Variants in DLGAP2 observed in about 807,000 individuals in gnomAD.
The protein encoded by DLGAP2 is DLG associated protein 2, also known as disks large-associated protein 2.
Under a neutral mutation model 100.3 loss-of-function variants are expected in DLGAP2, and 26 were observed. The ratio of observed to expected loss-of-function variants is 0.26; its 90% CI spans 0.19 to 0.36. The LOEUF is 0.36. Among genes scored for constraint, DLGAP2 ranks in the 10% least tolerant of loss-of-function variants. The pLI is 1.00. For synonymous variants in DLGAP2, 886 were observed against 630.1 expected (o/e 1.41, Z -6.08); for missense variants, 1,858 against 1,453.2 (o/e 1.28, Z -4.53).
intron 3 of DLGAP2, among the ~76,000 whole-genome samples, chr8:1,282,563 A>G (rs1368985402): frequency 6.7e-5 from 7 of 104,302 alleles, no homozygotes; most frequent in South Asian, 6.9e-4. Context: ...TGTGACCTGA[A>G]CCCAGCACAT....
At chr8:1,689,569 C>T (rs1351327936) in intron 12 of DLGAP2, among the ~76,000 whole-genome samples, 1 of 152,224 alleles carries the variant, frequency 6.6e-6, no homozygotes, top group Non-Finnish European at 1.5e-5. Context: ...CTAGTTAAAC[C>T]GCAGCACTTT....
At chr8:1,477,687 T>C (rs1019412257) in intron 3 of DLGAP2, among the ~76,000 whole-genome samples, 1 of 152,170 alleles carries the variant, frequency 6.6e-6, no homozygotes, top group African/African-American at 2.4e-5. Context: ...GCTTATTTAC[T>C]TCCCTGACAT....
chr8:1,120,459 A>G (rs189551014), intron 2 of DLGAP2, among the ~76,000 whole-genome samples: 8 of 152,294 alleles, frequency 5.3e-5, no homozygotes, highest in Admixed American at 3.3e-4. Flanking sequence ...ACCCTTCAGA[A>G]ACCATAACCA....
At chr8:1,444,085 CCTCT>C (rs1484473126) in intron 3 of DLGAP2, among the ~76,000 whole-genome samples, 1 of 152,096 alleles carries the variant, frequency 6.6e-6, no homozygotes, top group Non-Finnish European at 1.5e-5. Context: ...CCTACACCTC[CCTCT>C]ACCTTAAGCT....
chr8:1,106,532 A>G (rs1804776879), intron 2 of DLGAP2, among the ~76,000 whole-genome samples: 3 of 149,520 alleles, frequency 2.0e-5, no homozygotes, highest in African/African-American at 7.4e-5. Context: ...AGGGTTTTCT[A>G]TTGAAGGGAG....
rs551438951 is a variant in DLGAP2 at position 1,653,159 on chromosome 8, T to C, written c.1811-15170T>C. ...AGATACTGTGGCATCGCGTTGGTTCTTAGTGCTGGCCCTGTGGGTGGGGTA... is the reference window on the plus strand; with the variant it reads ...AGATACTGTGGCATCGCGTTGGTTCCTAGTGCTGGCCCTGTGGGTGGGGTA... On this transcript the variant is annotated intron_variant, in intron 8 of 14. Transcript: ENST00000637795. Among the ~76,000 whole-genome samples the C allele has an allele frequency of 2.6e-5, 4 of 152,120 alleles. No individual in the cohort carries two copies. The South Asian group carries it at 8.3e-4, about 32-fold the overall frequency.
intron 6 of DLGAP2, among the ~76,000 whole-genome samples, chr8:1,619,024 A>T (rs1797246109): frequency 6.6e-6 from 1 of 152,216 alleles, no homozygotes. Flanking sequence ...CAGCCGTCAA[A>T]ATCTTTAAAT....
At chr8:994,275 A>T (rs772303258) in intron 2 of DLGAP2, among the ~76,000 whole-genome samples, 2 of 152,138 alleles carry the variant, frequency 1.3e-5, no homozygotes, top group African/African-American at 4.8e-5. Context: ...ATCTCGGCTC[A>T]CTGCAACCTC....
intron 1 of DLGAP2, among the ~76,000 whole-genome samples, chr8:796,267 T>C (rs1218338780): frequency 6.6e-6 from 1 of 152,208 alleles, no homozygotes; most frequent in Non-Finnish European, 1.5e-5. Context: ...GAGCTGACTC[T>C]GGTCCCGGGA....
intron 3 of DLGAP2, among the ~76,000 whole-genome samples, chr8:1,370,191 C>T (rs530283027): frequency 1.3e-4 from 20 of 152,284 alleles, no homozygotes; most frequent in African/African-American, 3.6e-4. Context: ...TCAGTGTCCT[C>T]AGCACTGCCC....
At chr8:925,288 TATA>T (rs1185046435) in intron 2 of DLGAP2, among the ~76,000 whole-genome samples, 1 of 152,136 alleles carries the variant, frequency 6.6e-6, no homozygotes, top group Non-Finnish European at 1.5e-5. Flanking sequence ...ATTTTTTAAT[TATA>T]ATGTTTTTTT....
intron 1 of DLGAP2, among the ~76,000 whole-genome samples, chr8:794,482 G>A (rs1475321334): frequency 6.6e-6 from 1 of 152,206 alleles, no homozygotes; most frequent in African/African-American, 2.4e-5. Context: ...TCTCCCTTAT[G>A]AGAAATGAAG....
chr8:1,448,412 A>G (rs1457442854), intron 3 of DLGAP2, among the ~76,000 whole-genome samples: 1 of 152,140 alleles, frequency 6.6e-6, no homozygotes, highest in Non-Finnish European at 1.5e-5. Flanking sequence ...TGAGTTTCTT[A>G]GTCCTGACTT....
chr8:802,619 GC>G (rs1377594638), intron 1 of DLGAP2, among the ~76,000 whole-genome samples: 3 of 152,168 alleles, frequency 2.0e-5, no homozygotes, highest in Non-Finnish European at 2.9e-5. Context: ...AGAACCCACA[GC>G]CCCCGAGAGG....
chr8:1,669,058 C>G (rs1382598484), intron 9 of DLGAP2, among the ~76,000 whole-genome samples: 1 of 152,162 alleles, frequency 6.6e-6, no homozygotes, highest in Non-Finnish European at 1.5e-5. Flanking sequence ...TCTGATTTTT[C>G]AAAAGCTTTT....
intron 2 of DLGAP2, among the ~76,000 whole-genome samples, chr8:1,113,954 T>A (rs541692977): frequency 6.6e-6 from 1 of 152,298 alleles, no homozygotes; most frequent in South Asian, 2.1e-4. Flanking sequence ...ATTGAGACAA[T>A]CATATGGTTT....
intron 2 of DLGAP2, among the ~76,000 whole-genome samples, chr8:1,131,183 C>T (rs536434930): frequency 1.6e-4 from 25 of 152,174 alleles, no homozygotes; most frequent in Admixed American, 5.2e-4. Flanking sequence ...CTGCTTTTCC[C>T]AGGTTTCAGG....
intron 2 of DLGAP2, among the ~76,000 whole-genome samples, chr8:1,159,873 C>CA (rs1390777099): frequency 6.6e-6 from 1 of 152,202 alleles, no homozygotes; most frequent in Non-Finnish European, 1.5e-5. Context: ...ACAGGCCCCC[C>CA]AACCCCTGAA....
intron 6 of DLGAP2, among the ~76,000 whole-genome samples, chr8:1,581,878 G>A (rs1803279797): frequency 7.1e-6 from 1 of 141,244 alleles, no homozygotes; most frequent in Non-Finnish European, 1.5e-5. Context: ...ACACACCATA[G>A]TCAAACTACC....
Sources: allele counts gnomAD v4.1 joint callset (sites outside exome capture counted in the v4.1 genomes callset), GRCh38; gene constraint gnomAD v4.1.1; transcripts MANE v1.5; gene names NCBI Gene and HGNC (gene_info 2026-07-23, HGNC 2026-07-21).